FAM185A: variants seen among roughly 807,000 people sequenced by gnomAD.
FAM185A encodes the protein protein FAM185A.
A neutral mutation model predicts 45.7 loss-of-function variants in FAM185A; 21 were observed. The observed-to-expected ratio is 0.46, with a 90% CI of 0.33 to 0.66. The LOEUF is 0.66. FAM185A is among the 30% of genes least tolerant of loss of function. The pLI, the probability that FAM185A is intolerant of heterozygous loss-of-function variation, is 0.03. For missense variants in FAM185A, 305 were observed against 485.4 expected (o/e 0.63, Z 3.49); for synonymous variants, 117 against 194.0 (o/e 0.60, Z 3.30).
At chr7:102,826,724 C>CTCATATATATAT in the FAM185A span, among the ~76,000 whole-genome samples, 1 of 62,732 alleles carries the variant, frequency 1.6e-5, no homozygotes, top group African/African-American at 4.6e-5. Flanking sequence ...GACCCTGTCT[C>CTCATATATATAT]ATATATATAT....
the FAM185A span, among the ~76,000 whole-genome samples, chr7:102,832,610 C>A: frequency 1.3e-5 from 2 of 152,172 alleles, no homozygotes; most frequent in African/African-American, 4.8e-5. Flanking sequence ...AAATCTTTGA[C>A]ACATGTTTAT....
At chr7:102,758,995 C>T (rs189608819) in intron 3 of FAM185A, among the ~76,000 whole-genome samples, 3,424 of 152,064 alleles carry the variant, frequency 0.023, 110 homozygotes, top group African/African-American at 0.079. Context: ...TCTTAGACCC[C>T]GTGGGAGGTT....
the FAM185A span, among the ~76,000 whole-genome samples, chr7:102,836,594 A>G: frequency 6.6e-6 from 1 of 152,216 alleles, no homozygotes; most frequent in Non-Finnish European, 1.5e-5. Flanking sequence ...AAATGCAAAC[A>G]TTATCAAGTT....
intron 5 of FAM185A, among the ~76,000 whole-genome samples, chr7:102,772,794 T>C (rs1373973618): frequency 6.6e-6 from 1 of 151,074 alleles, no homozygotes; most frequent in Non-Finnish European, 1.5e-5. Context: ...GCTCCAAATG[T>C]GTTAACATTT....
At chr7:102,836,236 T>A in the FAM185A span, among the ~76,000 whole-genome samples, 1 of 152,356 alleles carries the variant, frequency 6.6e-6, no homozygotes, top group Non-Finnish European at 1.5e-5. Flanking sequence ...GATACATTCA[T>A]GGTACCATTC....
In FAM185A at chr7:102,808,415, T is replaced by C; in HGVS notation, c.*13T>C. On this transcript the variant is annotated 3_prime_UTR_variant, in exon 8 of 8. Coordinates refer to ENST00000413034, the MANE Select transcript of FAM185A (RefSeq NM_001145268.2). ...ACTGCAGGACTAAAACTGATTTGAG[T>C]TGGATTTATGATTTTTAACAATGAT... 7.0e-7 allele frequency: 1 copy of C among 1,423,026 alleles called. No homozygotes were observed. The highest frequency in any genetic ancestry group is 9.7e-7 in the Non-Finnish European group (1 of 1,030,432). 88.1% of individuals were successfully genotyped at this position (1,423,026 alleles called of 1,614,324 possible).
intron 6 of FAM185A, among the ~76,000 whole-genome samples, chr7:102,782,128 C>T (rs1356483912): frequency 6.6e-6 from 1 of 152,114 alleles, no homozygotes. Flanking sequence ...TGAACAAAAC[C>T]TCCAAGAAAT....
chr7:102,837,564 T>G, the FAM185A span, among the ~76,000 whole-genome samples: 1 of 152,210 alleles, frequency 6.6e-6, no homozygotes, highest in East Asian at 1.9e-4. Context: ...TTATAAGCTT[T>G]TCTTTCTTTT....
intron 6 of FAM185A, among the ~76,000 whole-genome samples, chr7:102,782,284 G>C (rs1795461529): frequency 6.6e-6 from 1 of 152,240 alleles, no homozygotes; most frequent in Admixed American, 6.5e-5. Context: ...CATTCAGATT[G>C]AGGAAATACA....
At chr7:102,819,643 G>T in the FAM185A span, among the ~76,000 whole-genome samples, 4 of 152,156 alleles carry the variant, frequency 2.6e-5, no homozygotes, top group Admixed American at 2.0e-4. Context: ...TCAAGCATGT[G>T]GAGAGCATTG....
At chr7:102,843,080 C>A in the FAM185A span, among the ~76,000 whole-genome samples, 59 of 152,130 alleles carry the variant, frequency 3.9e-4, no homozygotes, top group African/African-American at 1.3e-3. Flanking sequence ...TTTTTAAAAT[C>A]GAAAGTTTAT....
chr7:102,834,380 TTATA>T, the FAM185A span, among the ~76,000 whole-genome samples: 1 of 145,316 alleles, frequency 6.9e-6, no homozygotes, highest in African/African-American at 2.5e-5. Context: ...TATATATAAA[TTATA>T]TATATATATA....
chr7:102,806,561 G>GTTTT (rs71679947), intron 7 of FAM185A, among the ~76,000 whole-genome samples: 68,504 of 151,738 alleles, frequency 0.45, 17,162 homozygotes, highest in African/African-American at 0.68. Context: ...TTGTTTGTTT[G>GTTTT]TGTTTTTTTG....
intron 4 of FAM185A, among the ~76,000 whole-genome samples, chr7:102,762,041 A>G (rs886896447): frequency 6.6e-6 from 1 of 152,226 alleles, no homozygotes; most frequent in Admixed American, 6.5e-5. Flanking sequence ...TTAGGTAAAG[A>G]TGGGTACTGA....
At chr7:102,752,495 C>T (rs1026444632) in intron 2 of FAM185A, among the ~76,000 whole-genome samples, 2 of 152,012 alleles carry the variant, frequency 1.3e-5, no homozygotes, top group African/African-American at 4.8e-5. Flanking sequence ...TGGTCTCGAT[C>T]TCCTGACCTC....
At chr7:102,758,868 C>CAG (rs71296536) in intron 3 of FAM185A, among the ~76,000 whole-genome samples, 128,157 of 151,176 alleles carry the variant, frequency 0.85, 54,588 homozygotes, top group Admixed American at 0.89. Context: ...ACTTTATTTT[C>CAG]AGAGTTGGTG....
the FAM185A span, chr7:102,814,333 C>T: frequency 6.6e-6 from 1 of 152,020 alleles, no homozygotes; most frequent in Non-Finnish European, 1.5e-5. Flanking sequence ...CCGTATGTTA[C>T]CTTGAGTTAT....
downstream of FAM185A, among the ~76,000 whole-genome samples, chr7:102,813,940 C>T (rs1446030783): frequency 2.0e-5 from 3 of 152,114 alleles, no homozygotes; most frequent in African/African-American, 7.2e-5. Flanking sequence ...CCAGAGTTCA[C>T]AGATCCCTTT....
intron 7 of FAM185A, among the ~76,000 whole-genome samples, chr7:102,804,881 A>T (rs1797018185): frequency 6.6e-6 from 1 of 152,258 alleles, no homozygotes; most frequent in African/African-American, 2.4e-5. Flanking sequence ...ACATGAAAAG[A>T]CAATTCTCAT....
Sources: gnomAD v4.1 joint callset for allele counts (sites outside exome capture counted in the v4.1 genomes callset) on GRCh38, gnomAD v4.1.1 for gene constraint, MANE v1.5 for transcripts, NCBI Gene and HGNC (gene_info 2026-07-23, HGNC 2026-07-21) for gene names.